The following CNTN4 variants were observed in gnomAD, a reference collection of about 807,000 sequenced individuals.
The protein encoded by CNTN4 is contactin 4.
Under a neutral mutation model 122.5 loss-of-function variants are expected in CNTN4, and 77 were observed. That is an observed-to-expected ratio of 0.63 (90% CI 0.52 to 0.76). CNTN4 has a LOEUF of 0.76. CNTN4 is among the 30% of genes least tolerant of loss of function. The probability of loss-of-function intolerance (pLI) is 0.00; values close to 1 mark genes in which losing one functional copy is unlikely to be tolerated. For synonymous variants in CNTN4, 512 were observed against 447.0 expected (o/e 1.15, Z -1.83); for missense variants, 1,256 against 1,259.1 (o/e 1.00, Z 0.04).
chr3:2,850,904 T>C (rs1325242368), intron 7 of CNTN4, among the ~76,000 whole-genome samples: 1 of 152,208 alleles, frequency 6.6e-6, no homozygotes, highest in Non-Finnish European at 1.5e-5. Context: ...GTTGGAATAA[T>C]CATTAATGTT....
chr3:2,536,123 A>G (rs1446075958), intron 3 of CNTN4, among the ~76,000 whole-genome samples: 2 of 152,170 alleles, frequency 1.3e-5, no homozygotes, highest in South Asian at 2.1e-4. Flanking sequence ...GGACTCTCCA[A>G]TAGGCAGGGA....
At chr3:2,694,524 G>A (rs940384388) in intron 4 of CNTN4, among the ~76,000 whole-genome samples, 2 of 152,172 alleles carry the variant, frequency 1.3e-5, no homozygotes, top group Admixed American at 6.5e-5. Context: ...TAGGTCAGGA[G>A]TTCGAGATCA....
intron 3 of CNTN4, among the ~76,000 whole-genome samples, chr3:2,430,239 C>T (rs1353919463): frequency 6.6e-6 from 1 of 151,804 alleles, no homozygotes; most frequent in Non-Finnish European, 1.5e-5. Context: ...CTGGCTAACA[C>T]GGTGAAACCC....
chr3:2,112,952 A>G (rs2033077749), intron 2 of CNTN4, among the ~76,000 whole-genome samples: 3 of 152,140 alleles, frequency 2.0e-5, no homozygotes, highest in African/African-American at 7.2e-5. Context: ...AATTTCCAAG[A>G]TGCACCCTCT....
intron 13 of CNTN4, among the ~76,000 whole-genome samples, chr3:2,981,336 C>G (rs968121492): frequency 6.6e-6 from 1 of 151,580 alleles, no homozygotes; most frequent in Non-Finnish European, 1.5e-5. Flanking sequence ...CCCAGCTACT[C>G]GGGAGGCTGA....
chr3:2,533,512 C>G (rs537388204), intron 3 of CNTN4, among the ~76,000 whole-genome samples: 36 of 152,058 alleles, frequency 2.4e-4, no homozygotes, highest in African/African-American at 7.7e-4. Flanking sequence ...ATATGTACCA[C>G]ATTTTCTTAA....
chr3:2,981,042 A>G (rs1192298615), intron 13 of CNTN4, among the ~76,000 whole-genome samples: 1 of 152,212 alleles, frequency 6.6e-6, no homozygotes, highest in Non-Finnish European at 1.5e-5. Context: ...CACAGCTGCC[A>G]GCATTCACCC....
At chr3:2,630,730 G>A (rs567684181) in intron 4 of CNTN4, among the ~76,000 whole-genome samples, 381 of 117,644 alleles carry the variant, frequency 3.2e-3, no homozygotes, top group African/African-American at 0.011. Flanking sequence ...GTGTGTGTGT[G>A]TACTATATGT....
At chr3:2,299,162 T>C in intron 2 of CNTN4, among the ~76,000 whole-genome samples, 1 of 152,106 alleles carries the variant, frequency 6.6e-6, no homozygotes, top group Non-Finnish European at 1.5e-5. Context: ...AAGGAACAAA[T>C]AAATGATAAG....
intron 7 of CNTN4, among the ~76,000 whole-genome samples, chr3:2,836,261 G>A (rs937036548): frequency 6.6e-6 from 1 of 152,078 alleles, no homozygotes; most frequent in Non-Finnish European, 1.5e-5. Context: ...ATTTTATAAA[G>A]AAAATATTTT....
intron 3 of CNTN4, among the ~76,000 whole-genome samples, chr3:2,411,418 A>G (rs1028354231): frequency 9.2e-5 from 14 of 152,208 alleles, no homozygotes; most frequent in African/African-American, 2.2e-4. Flanking sequence ...AATAGATGCC[A>G]TAAAGCTACC....
intron 4 of CNTN4, among the ~76,000 whole-genome samples, chr3:2,615,589 A>T (rs2081686806): frequency 6.7e-6 from 1 of 149,806 alleles, no homozygotes; most frequent in South Asian, 2.1e-4. Context: ...CTAAAAAAAA[A>T]CTTAGAGGGC....
chr3:2,631,873 A>C (rs2082446124), intron 4 of CNTN4, among the ~76,000 whole-genome samples: 1 of 140,968 alleles, frequency 7.1e-6, no homozygotes, highest in Non-Finnish European at 1.5e-5. Flanking sequence ...TACAAAAAAA[A>C]AAAAACAAAA....
At chr3:2,933,222 G>T (rs551571820) in intron 13 of CNTN4, among the ~76,000 whole-genome samples, 3 of 152,100 alleles carry the variant, frequency 2.0e-5, no homozygotes, top group East Asian at 1.9e-4. Context: ...TGCATTCGTC[G>T]CAGGGTCAGC....
chr3:2,513,288 AC>A (rs2076943061), intron 3 of CNTN4, among the ~76,000 whole-genome samples: 1 of 152,098 alleles, frequency 6.6e-6, no homozygotes, highest in Non-Finnish European at 1.5e-5. Flanking sequence ...TTCCTGGTGA[AC>A]CCTTAGCTAT....
chr3:2,804,876 T>G (rs1382828606), intron 6 of CNTN4, among the ~76,000 whole-genome samples: 1 of 152,140 alleles, frequency 6.6e-6, no homozygotes. Flanking sequence ...TTAGGGACAC[T>G]GAAAAGTGTC....
chr3:2,362,095 C>A (rs1050523050), intron 3 of CNTN4, among the ~76,000 whole-genome samples: 1 of 152,026 alleles, frequency 6.6e-6, no homozygotes, highest in Non-Finnish European at 1.5e-5. Context: ...TTGGTGCATT[C>A]AAAAAACTGT....
At chr3:2,238,735 G>GTTTTTATTTTTTTTTT (rs2039780309) in intron 2 of CNTN4, 1 of 78,870 alleles carries the variant, frequency 1.3e-5, no homozygotes, top group African/African-American at 5.8e-5. Context: ...TTGGCTCTGT[G>GTTTTTATTTTTTTTTT]TTTTTTTTTT....
chr3:2,526,825 T>C (rs1046471642), intron 3 of CNTN4, among the ~76,000 whole-genome samples: 2 of 152,000 alleles, frequency 1.3e-5, no homozygotes, highest in African/African-American at 4.8e-5. Flanking sequence ...CTGAAAAAAA[T>C]TGTGGGAATC....
Sources: allele counts gnomAD v4.1 joint callset (sites outside exome capture counted in the v4.1 genomes callset), GRCh38; gene constraint gnomAD v4.1.1; transcripts MANE v1.5; gene names NCBI Gene and HGNC (gene_info 2026-07-23, HGNC 2026-07-21).